Variants in CCDC171 observed in about 807,000 individuals in gnomAD.
CCDC171 encodes coiled-coil domain containing 171, also known as coiled-coil domain-containing protein 171.
Under a neutral mutation model 168.2 loss-of-function variants are expected in CCDC171, and 177 were observed. That is an observed-to-expected ratio of 1.05 (90% CI 0.93 to 1.19). The LOEUF is 1.19. CCDC171 is among the 50% of genes most tolerant of loss of function. CCDC171 has a pLI of 0.00. For missense variants in CCDC171, 1,991 were observed against 1,539.0 expected, an observed-to-expected ratio of 1.29 and a Z score of -4.91; for synonymous variants, 687 against 540.8, an observed-to-expected ratio of 1.27 and a Z score of -3.75.
At chr9:15,640,226 G>T (rs1012978834) in intron 7 of CCDC171, among the ~76,000 whole-genome samples, 1 of 152,084 alleles carries the variant, frequency 6.6e-6, no homozygotes, top group Non-Finnish European at 1.5e-5. Flanking sequence ...CAATAAAGTG[G>T]ATAGGACTTC....
rs146709632 is a variant in CCDC171, at chr9:15,888,579, T to C, written c.3600+13916T>C. Among the ~76,000 whole-genome samples the C allele has an allele frequency of 2.7e-3, 404 of 152,332 alleles. 1 individual carries two copies. Among genetic ancestry groups the C allele is most frequent in the Non-Finnish European group, 3.7e-3 (250 of 68,024 alleles). On this transcript the variant is annotated intron_variant, in intron 24 of 25. Coordinates refer to ENST00000380701, the MANE Select transcript of CCDC171 (RefSeq NM_173550.4). ...TGTAGCTCCTCTGAAACTAGCAGAA[T>C]ATCATACCAGAAATTTACACAATGA...
intron 6 of CCDC171, among the ~76,000 whole-genome samples, chr9:15,594,787 A>T (rs141325149): frequency 5.8e-4 from 88 of 152,168 alleles, no homozygotes; most frequent in African/African-American, 2.0e-3. Flanking sequence ...TTTTCAGGAG[A>T]TTATATGTAT....
the CCDC171 span, among the ~76,000 whole-genome samples, chr9:16,094,997 C>T: frequency 6.6e-6 from 1 of 152,180 alleles, no homozygotes; most frequent in African/African-American, 2.4e-5. Flanking sequence ...CCATCTCCTC[C>T]TCCTGCTCTG....
At chr9:15,920,726 C>T (rs896123642) in intron 25 of CCDC171, among the ~76,000 whole-genome samples, 2 of 151,688 alleles carry the variant, frequency 1.3e-5, no homozygotes, top group Admixed American at 6.6e-5. Flanking sequence ...TTAAAGCTTG[C>T]AACTGTCTGA....
At chr9:15,739,485 G>A (rs1349140091) in intron 16 of CCDC171, among the ~76,000 whole-genome samples, 2 of 151,964 alleles carry the variant, frequency 1.3e-5, no homozygotes, top group Admixed American at 6.6e-5. Flanking sequence ...GAAGGAGTGT[G>A]GGCAAATTGT....
intron 1 of CCDC171, among the ~76,000 whole-genome samples, chr9:16,051,086 A>G (rs905171596): frequency 4.3e-4 from 66 of 152,304 alleles, no homozygotes; most frequent in African/African-American, 1.5e-3. Flanking sequence ...AGTGTTTATC[A>G]TATTTTTATA....
At chr9:15,961,822 T>A (rs1296605445) in intron 25 of CCDC171, among the ~76,000 whole-genome samples, 1 of 152,010 alleles carries the variant, frequency 6.6e-6, no homozygotes, top group East Asian at 1.9e-4. Context: ...AAAATACAAA[T>A]CCTAATCCTA....
At position 15,600,680 on chromosome 9, in the gene CCDC171, T is replaced by A. The variant is rs954036566; in HGVS notation, c.675+6508T>A. On this transcript the variant is annotated intron_variant, in intron 6 of 25. Coordinates refer to ENST00000380701, the MANE Select transcript of CCDC171 (RefSeq NM_173550.4). The stretch of plus-strand genomic sequence containing the variant: ...TTCAAAGCTGTCAGACAGGGACATT[T>A]AAGTCTGCAGAGGTTTCTGCTGCCT... Among the ~76,000 whole-genome samples the A allele has an allele frequency of 3.9e-5, 6 of 152,208 alleles. No homozygotes were observed. In the South Asian group the frequency reaches 8.3e-4, roughly 21 times the overall value.
intron 10 of CCDC171, among the ~76,000 whole-genome samples, chr9:15,694,228 C>T (rs1403913060): frequency 6.6e-6 from 1 of 152,072 alleles, no homozygotes; most frequent in Non-Finnish European, 1.5e-5. Flanking sequence ...TTTCATTTCC[C>T]ATCAAACACT....
intron 3 of CCDC171, among the ~76,000 whole-genome samples, chr9:15,984,915 T>C (rs1256820316): frequency 1.3e-5 from 2 of 152,158 alleles, no homozygotes; most frequent in African/African-American, 2.4e-5. Context: ...CCCAGTCTAT[T>C]GGTAATTTGA....
At chr9:15,783,313 C>G (rs1471183422) in intron 20 of CCDC171, among the ~76,000 whole-genome samples, 1 of 152,088 alleles carries the variant, frequency 6.6e-6, no homozygotes, top group Non-Finnish European at 1.5e-5. Flanking sequence ...TCTTATTTGT[C>G]AGAAAAATAA....
chr9:15,848,623 T>TC lies in CCDC171; in HGVS notation c.3414-265dup, dbSNP rs138422277. Among the ~76,000 whole-genome samples the TC allele has an allele frequency of 6.8e-3, 1,033 of 151,790 alleles. 11 individuals are homozygous for TC. Among genetic ancestry groups the TC allele is most frequent in the African/African-American group, 0.023 (962 of 41,508 alleles). On this transcript the variant is annotated intron_variant, in intron 22 of 25. Transcript: ENST00000380701. ...TTTTCACTTTTTTACCTTTTTATTC[T>TC]CCCCCACCCCAATTTAGGACAGGCA...
downstream of CCDC171, among the ~76,000 whole-genome samples, chr9:16,063,331 C>T (rs1280725783): frequency 6.6e-6 from 1 of 152,052 alleles, no homozygotes; most frequent in Non-Finnish European, 1.5e-5. Flanking sequence ...ACAGGCTTGC[C>T]ACGGATGGTC....
chr9:15,793,551 GTTTTTTTTTTTT>G (rs3082839), intron 21 of CCDC171, among the ~76,000 whole-genome samples: 10 of 77,056 alleles, frequency 1.3e-4, no homozygotes, highest in Admixed American at 5.3e-4. Context: ...TTATTCCAAG[GTTTTTTTTTTTT>G]TTTTTTTTTT....
intron 1 of CCDC171, among the ~76,000 whole-genome samples, chr9:16,045,025 A>G (rs1305810806): frequency 6.6e-6 from 1 of 152,220 alleles, no homozygotes; most frequent in East Asian, 1.9e-4. Flanking sequence ...TCTTATATTC[A>G]TTGGGACTTG....
chr9:16,015,905 A>G (rs1833001611), intron 3 of CCDC171, among the ~76,000 whole-genome samples: 1 of 152,202 alleles, frequency 6.6e-6, no homozygotes, highest in Non-Finnish European at 1.5e-5. Flanking sequence ...CACTTAGCGT[A>G]ATGTTTTCAA....
Position 15,787,812 on chromosome 9 carries a change from A to G in CCDC171, c.3267+3118A>G, listed in dbSNP as rs571590470. Among the ~76,000 whole-genome samples the G allele has an allele frequency of 1.0e-3, 153 of 152,278 alleles. 1 individual carries two copies. Among genetic ancestry groups the G allele is most frequent in the Admixed American group, 2.4e-3 (36 of 15,286 alleles). On this transcript the variant is annotated intron_variant, in intron 21 of 25. Coordinates refer to ENST00000380701, the MANE Select transcript of CCDC171 (RefSeq NM_173550.4). ...TAAAACATTTTTGACAGTTTGGTAG[A>G]TATGTCCTTGTTACTTTAATTTGTA...
intron 24 of CCDC171, chr9:15,885,420 A>G (rs188833402): frequency 2.0e-4 from 30 of 152,274 alleles, no homozygotes; most frequent in Admixed American, 3.3e-4. Flanking sequence ...TATAACTAGA[A>G]CTATTATATC....
intron 21 of CCDC171, among the ~76,000 whole-genome samples, chr9:15,811,335 A>T (rs1023468074): frequency 1.3e-5 from 2 of 152,356 alleles, no homozygotes; most frequent in East Asian, 3.9e-4. Context: ...CCTCTCTGTT[A>T]TTGGAAACAT....
Sources: gnomAD v4.1 joint callset for allele counts (sites outside exome capture counted in the v4.1 genomes callset) on GRCh38, gnomAD v4.1.1 for gene constraint, MANE v1.5 for transcripts, NCBI Gene and HGNC (gene_info 2026-07-23, HGNC 2026-07-21) for gene names.